KCNIP1: variants seen among roughly 807,000 people sequenced by gnomAD.
The protein encoded by KCNIP1 is A-type potassium channel modulatory protein KCNIP1.
In KCNIP1, 18 loss-of-function variants were observed where a neutral mutation model predicts 33.0. The ratio of observed to expected loss-of-function variants is 0.55; its 90% CI spans 0.38 to 0.81. The LOEUF is 0.81. Among genes scored for constraint, KCNIP1 ranks in the 30% least tolerant of loss-of-function variants. The probability of loss-of-function intolerance (pLI) is 0.00; values close to 1 mark genes in which losing one functional copy is unlikely to be tolerated. For missense variants in KCNIP1, 238 were observed against 271.6 expected (o/e 0.88, Z 0.87); for synonymous variants, 93 against 98.3 (o/e 0.95, Z 0.32).
At chr5:170,517,149 G>A (rs910304513) in intron 1 of KCNIP1, among the ~76,000 whole-genome samples, 8 of 152,212 alleles carry the variant, frequency 5.3e-5, no homozygotes, top group Non-Finnish European at 1.2e-4. Flanking sequence ...CATGGCTGGG[G>A]AGGCCTCAGG....
intron 1 of KCNIP1, chr5:170,678,523 C>G (rs1426687360): frequency 6.6e-6 from 1 of 152,242 alleles, no homozygotes; most frequent in African/African-American, 2.4e-5. Context: ...GCAAAGCAGA[C>G]AGTGGGAACC....
intron 1 of KCNIP1, among the ~76,000 whole-genome samples, chr5:170,537,425 G>T (rs749481452): frequency 2.6e-5 from 4 of 152,228 alleles, no homozygotes; most frequent in Non-Finnish European, 5.9e-5. Context: ...CTAGGCAAGT[G>T]ATGTCACCAC....
chr5:170,714,645 C>T (rs1243155079), intron 1 of KCNIP1, among the ~76,000 whole-genome samples: 4 of 151,634 alleles, frequency 2.6e-5, no homozygotes, highest in African/African-American at 7.3e-5. Context: ...CTCAGGCTAA[C>T]GTGTGTGGTT....
intron 1 of KCNIP1, among the ~76,000 whole-genome samples, chr5:170,699,250 A>C (rs1763006542): frequency 6.6e-6 from 1 of 152,210 alleles, no homozygotes; most frequent in African/African-American, 2.4e-5. Context: ...TAAGAGAGAG[A>C]TGATATAGAC....
chr5:170,453,707 G>A (rs972390223), intron 1 of KCNIP1, among the ~76,000 whole-genome samples: 1 of 152,190 alleles, frequency 6.6e-6, no homozygotes, highest in African/African-American at 2.4e-5. Flanking sequence ...GCTCCTTTAT[G>A]ATGGAAGATT....
chr5:170,393,122 C>G (rs1042028079), intron 1 of KCNIP1, among the ~76,000 whole-genome samples: 1 of 152,156 alleles, frequency 6.6e-6, no homozygotes, highest in Non-Finnish European at 1.5e-5. Flanking sequence ...CACCTGTGCC[C>G]GCTGACTCCA....
chr5:170,481,653 C>T (rs1344756830), intron 1 of KCNIP1, among the ~76,000 whole-genome samples: 1 of 152,146 alleles, frequency 6.6e-6, no homozygotes, highest in African/African-American at 2.4e-5. Flanking sequence ...TGATATTTCT[C>T]ATCAATCCTT....
chr5:170,360,500 A>G (rs1353639241), intron 1 of KCNIP1, among the ~76,000 whole-genome samples: 1 of 152,174 alleles, frequency 6.6e-6, no homozygotes, highest in Non-Finnish European at 1.5e-5. Flanking sequence ...CTGCTCAGTA[A>G]AAGTCAAGTT....
At chr5:170,532,032 A>G (rs1256804267) in intron 1 of KCNIP1, among the ~76,000 whole-genome samples, 2 of 152,190 alleles carry the variant, frequency 1.3e-5, no homozygotes, top group Non-Finnish European at 2.9e-5. Flanking sequence ...CCTCTTATCC[A>G]TCCGGCCAAC....
intron 1 of KCNIP1, among the ~76,000 whole-genome samples, chr5:170,414,802 T>C (rs972484922): frequency 1.3e-5 from 2 of 152,218 alleles, no homozygotes; most frequent in African/African-American, 4.8e-5. Context: ...GCTTTTCAAC[T>C]AAAAATTCAA....
intron 1 of KCNIP1, among the ~76,000 whole-genome samples, chr5:170,714,040 C>A (rs2113860475): frequency 6.6e-6 from 1 of 150,750 alleles, no homozygotes; most frequent in African/African-American, 2.4e-5. Flanking sequence ...AAAAAAAAAG[C>A]TAGATGGGTA....
intron 1 of KCNIP1, among the ~76,000 whole-genome samples, chr5:170,523,106 G>A (rs1755426388): frequency 6.6e-6 from 1 of 152,184 alleles, no homozygotes; most frequent in African/African-American, 2.4e-5. Context: ...GAAGCATGCT[G>A]GTGGGAACAG....
At chr5:170,380,333 G>C (rs1401027080) in intron 1 of KCNIP1, among the ~76,000 whole-genome samples, 5 of 152,210 alleles carry the variant, frequency 3.3e-5, no homozygotes, top group Admixed American at 6.5e-5. Flanking sequence ...CTGAGGGCGA[G>C]ACCCAGGAAT....
intron 1 of KCNIP1, among the ~76,000 whole-genome samples, chr5:170,548,036 A>T (rs1490166802): frequency 6.6e-6 from 1 of 152,068 alleles, no homozygotes; most frequent in Non-Finnish European, 1.5e-5. Context: ...AGCATCTGTT[A>T]TTTTTTGACT....
chr5:170,387,060 A>G (rs1764504966), intron 1 of KCNIP1, among the ~76,000 whole-genome samples: 1 of 152,112 alleles, frequency 6.6e-6, no homozygotes, highest in African/African-American at 2.4e-5. Flanking sequence ...ATGGTTCCGC[A>G]AGCTGTCCTA....
chr5:170,655,165 C>T (rs192996506), intron 1 of KCNIP1, among the ~76,000 whole-genome samples: 2 of 152,254 alleles, frequency 1.3e-5, no homozygotes, highest in East Asian at 1.9e-4. Flanking sequence ...TATGCCAACT[C>T]AAAATACATC....
chr5:170,378,875 G>A (rs1268093403), intron 1 of KCNIP1: 1 of 1,614,130 alleles, frequency 6.2e-7, no homozygotes, highest in East Asian at 2.2e-5. Context: ...GTGCGGAGAA[G>A]CAGTAGAAGA....
chr5:170,528,884 A>G (rs1053671603), intron 1 of KCNIP1, among the ~76,000 whole-genome samples: 6 of 152,222 alleles, frequency 3.9e-5, no homozygotes, highest in Non-Finnish European at 8.8e-5. Flanking sequence ...GTTTGAGGAC[A>G]GAAGTCCACT....
At chr5:170,391,213 C>T (rs974238763) in intron 1 of KCNIP1, among the ~76,000 whole-genome samples, 2 of 152,166 alleles carry the variant, frequency 1.3e-5, no homozygotes, top group African/African-American at 4.8e-5. Context: ...ATGCCAGGCC[C>T]CCCTCCTGCT....
Sources: gnomAD v4.1 joint callset for allele counts (sites outside exome capture counted in the v4.1 genomes callset) on GRCh38, gnomAD v4.1.1 for gene constraint, MANE v1.5 for transcripts, NCBI Gene and HGNC (gene_info 2026-07-23, HGNC 2026-07-21) for gene names.